SPOCK3: variants seen among roughly 807,000 people sequenced by gnomAD.
The protein encoded by SPOCK3 is SPARC (osteonectin), cwcv and kazal like domains proteoglycan 3.
In SPOCK3, 30 loss-of-function variants were observed where a neutral mutation model predicts 56.6. That is an observed-to-expected ratio of 0.53 (90% CI 0.40 to 0.72). The LOEUF is 0.72. Ranked by LOEUF, SPOCK3 falls within the 30% of genes least tolerant of loss-of-function variation. SPOCK3 has a pLI of 0.00. For missense variants in SPOCK3, 527 were observed against 530.0 expected, an observed-to-expected ratio of 0.99 and a Z score of 0.06; for synonymous variants, 196 against 183.3, an observed-to-expected ratio of 1.07 and a Z score of -0.56.
chr4:167,045,516 G>A (rs139202107), intron 3 of SPOCK3, among the ~76,000 whole-genome samples: 1 of 151,576 alleles, frequency 6.6e-6, no homozygotes, highest in African/African-American at 2.4e-5. Flanking sequence ...CATTTTTTAG[G>A]ATTCTATTTT....
chr4:167,135,648 C>A, intron 2 of SPOCK3, among the ~76,000 whole-genome samples: 1 of 149,210 alleles, frequency 6.7e-6, no homozygotes, highest in East Asian at 2.0e-4. Flanking sequence ...TTTTTTTCAA[C>A]CTAGATATAT....
intron 2 of SPOCK3, among the ~76,000 whole-genome samples, chr4:167,107,728 T>G (rs76621441): frequency 1.3e-5 from 2 of 151,742 alleles, no homozygotes; most frequent in Non-Finnish European, 2.9e-5. Context: ...AAAAAATAAT[T>G]AGGACAAATT....
At chr4:166,857,946 A>G (rs993249055) in intron 6 of SPOCK3, among the ~76,000 whole-genome samples, 2 of 152,200 alleles carry the variant, frequency 1.3e-5, no homozygotes, top group Admixed American at 6.5e-5. Context: ...AATTCTCCTC[A>G]ACCTATAGTC....
At chr4:166,942,650 A>G (rs1393209426) in intron 4 of SPOCK3, among the ~76,000 whole-genome samples, 1 of 152,186 alleles carries the variant, frequency 6.6e-6, no homozygotes, top group Admixed American at 6.5e-5. Flanking sequence ...AGAAGAATGT[A>G]AATAAGCCAA....
At chr4:166,736,275 C>T (rs1219477507) in intron 10 of SPOCK3, among the ~76,000 whole-genome samples, 1 of 152,058 alleles carries the variant, frequency 6.6e-6, no homozygotes, top group African/African-American at 2.4e-5. Context: ...GAACTCATCT[C>T]CATATAACTT....
intron 6 of SPOCK3, among the ~76,000 whole-genome samples, chr4:166,817,534 G>A (rs4318675): frequency 2.4e-4 from 37 of 151,852 alleles, no homozygotes; most frequent in South Asian, 6.2e-4. Context: ...AGTGAAACAA[G>A]AATCAAAATT....
intron 2 of SPOCK3, among the ~76,000 whole-genome samples, chr4:167,233,349 C>T (rs1217689506): frequency 6.6e-6 from 1 of 152,190 alleles, no homozygotes; most frequent in Non-Finnish European, 1.5e-5. Flanking sequence ...GCAACCTCTT[C>T]CCGCAGAGTT....
chr4:167,001,398 G>T (rs749561943), intron 3 of SPOCK3, among the ~76,000 whole-genome samples: 1 of 152,082 alleles, frequency 6.6e-6, no homozygotes, highest in Admixed American at 6.6e-5. Flanking sequence ...GGTGCTTTGT[G>T]ACTAGCTTCT....
At chr4:166,746,596 CA>C (rs1313195998) in intron 8 of SPOCK3, among the ~76,000 whole-genome samples, 1 of 152,070 alleles carries the variant, frequency 6.6e-6, no homozygotes, top group Non-Finnish European at 1.5e-5. Context: ...AGAGCAAACA[CA>C]TTCAAAAGCT....
At chr4:166,833,564 A>G (rs1013411595) in intron 6 of SPOCK3, among the ~76,000 whole-genome samples, 1 of 152,142 alleles carries the variant, frequency 6.6e-6, no homozygotes. Flanking sequence ...ATTTACACTT[A>G]TAGTAATATT....
intron 3 of SPOCK3, among the ~76,000 whole-genome samples, chr4:167,054,000 T>G (rs1332128575): frequency 1.3e-5 from 2 of 152,194 alleles, no homozygotes; most frequent in Non-Finnish European, 2.9e-5. Flanking sequence ...TTTACTGCCA[T>G]GGTAGAGAAC....
chr4:166,750,303 T>A (rs1415762676), intron 8 of SPOCK3, among the ~76,000 whole-genome samples: 1 of 152,126 alleles, frequency 6.6e-6, no homozygotes, highest in African/African-American at 2.4e-5. Flanking sequence ...CCTAACTAAT[T>A]GCATTAAAGT....
chr4:167,146,716 G>C (rs905473762), intron 2 of SPOCK3, among the ~76,000 whole-genome samples: 1 of 152,034 alleles, frequency 6.6e-6, no homozygotes, highest in Non-Finnish European at 1.5e-5. Context: ...TGACTACTGG[G>C]TAAATAATGA....
intron 6 of SPOCK3, among the ~76,000 whole-genome samples, chr4:166,816,735 A>T (rs140462871): frequency 6.6e-6 from 1 of 152,230 alleles, no homozygotes; most frequent in East Asian, 1.9e-4. Flanking sequence ...TCCAGAGCCC[A>T]AACCTAGAGA....
chr4:167,026,387 A>G (rs1751700421), intron 3 of SPOCK3, among the ~76,000 whole-genome samples: 1 of 152,092 alleles, frequency 6.6e-6, no homozygotes, highest in Non-Finnish European at 1.5e-5. Flanking sequence ...TACAAACAAT[A>G]TCTGAAAGAA....
intron 10 of SPOCK3, 55 bp downstream of exon 10, chr4:166,737,412 A>C (rs527668577): frequency 6.5e-7 from 1 of 1,543,112 alleles, no homozygotes; most frequent in East Asian, 2.3e-5. Flanking sequence ...ATGAGGCTCT[A>C]AAGCACTTAA....
Position 166,889,685 on chromosome 4 carries a change from ACT to A in SPOCK3, c.475-443_475-442del, listed in dbSNP as rs1191256424. Among the ~76,000 whole-genome samples the A allele has an allele frequency of 9.2e-5, 14 of 151,946 alleles. 1 individual carries two copies. The highest frequency in any genetic ancestry group is 9.2e-4 in the Admixed American group (14 of 15,222). On this transcript the variant is annotated intron_variant, in intron 5 of 10. Coordinates refer to ENST00000357545, the MANE Select transcript of SPOCK3 (RefSeq NM_001040159.2). ...TGGACTCTAAGTTTTGGCTACAGAGACTCTATGCATCAGTCTTTAGCCAGTGA... is the reference window on the plus strand; with the variant it reads ...TGGACTCTAAGTTTTGGCTACAGAGACTATGCATCAGTCTTTAGCCAGTGA...
chr4:166,955,624 TAATTTAATTATATTA>T (rs1485336348), intron 4 of SPOCK3, among the ~76,000 whole-genome samples: 10 of 146,242 alleles, frequency 6.8e-5, no homozygotes, highest in African/African-American at 2.2e-4. Flanking sequence ...AAATTTAATA[TAATTTAATTATATTA>T]AATTTAATTA....
chr4:166,938,375 A>G (rs1183243434), intron 4 of SPOCK3, among the ~76,000 whole-genome samples: 1 of 152,170 alleles, frequency 6.6e-6, no homozygotes, highest in East Asian at 1.9e-4. Context: ...GTAAAATTAT[A>G]TTTCTAGAAA....
Sources: allele counts gnomAD v4.1 joint callset (sites outside exome capture counted in the v4.1 genomes callset), GRCh38; gene constraint gnomAD v4.1.1; transcripts MANE v1.5; gene names NCBI Gene and HGNC (gene_info 2026-07-23, HGNC 2026-07-21).